Variants in CAMSAP1 observed in about 807,000 individuals in gnomAD.
The protein encoded by CAMSAP1 is calmodulin regulated spectrin associated protein 1, also known as calmodulin-regulated spectrin-associated protein 1.
CAMSAP1 carries 58 observed loss-of-function variants against 143.5 expected under a neutral mutation model. The observed-to-expected ratio is 0.40, with a 90% CI of 0.33 to 0.50. CAMSAP1 has a LOEUF of 0.50. Among genes scored for constraint, CAMSAP1 ranks in the 20% least tolerant of loss-of-function variants. The probability of loss-of-function intolerance (pLI) is 0.45; values close to 1 mark genes in which losing one functional copy is unlikely to be tolerated. For missense variants in CAMSAP1, 1,969 were observed against 2,115.7 expected (o/e 0.93, Z 1.36); for synonymous variants, 945 against 859.3 (o/e 1.10, Z -1.74).
At chr9:135,887,462 C>G (rs1001500363) in intron 1 of CAMSAP1, among the ~76,000 whole-genome samples, 3 of 151,920 alleles carry the variant, frequency 2.0e-5, no homozygotes, top group Admixed American at 2.0e-4. Flanking sequence ...GAAAGTGTGG[C>G]CAAAAAAGAT....
In CAMSAP1 at chr9:135,808,794, A is replaced by C. The variant is rs1487837426; in HGVS notation, c.*2515T>G. 1 of 152,262 alleles carries C rather than the reference A, an allele frequency of 6.6e-6. No homozygotes were observed. The highest frequency in any genetic ancestry group is 1.5e-5 in the Non-Finnish European group (1 of 68,042). The allele number at this position is 152,262 out of a possible 1,614,324, so 9.4% of individuals were successfully genotyped here. On this transcript the variant is annotated 3_prime_UTR_variant, in exon 17 of 17. Transcript: ENST00000389532. The stretch of plus-strand genomic sequence containing the variant: ...ATGCGTAAAATAATGGGACTCACGC[A>C]AGTTTCATTTCTCTTTCAACCCTTC...
At chr9:135,883,500 G>A (rs1838025356) in intron 1 of CAMSAP1, among the ~76,000 whole-genome samples, 3 of 152,318 alleles carry the variant, frequency 2.0e-5, no homozygotes, top group East Asian at 3.9e-4. Context: ...GGACACCAGC[G>A]GAGACAGCAT....
chr9:135,884,772 G>C (rs1221768234), intron 1 of CAMSAP1, among the ~76,000 whole-genome samples: 1 of 152,178 alleles, frequency 6.6e-6, no homozygotes, highest in South Asian at 2.1e-4. Context: ...AACTGCTCAA[G>C]GAAAGCTGAC....
chr9:135,903,262 G>GACTA (rs547279816), intron 1 of CAMSAP1, among the ~76,000 whole-genome samples: 183 of 152,360 alleles, frequency 1.2e-3, no homozygotes, highest in Middle Eastern at 0.01. Context: ...AAAATGTGAT[G>GACTA]ACTAGTCAGG....
intron 5 of CAMSAP1, among the ~76,000 whole-genome samples, chr9:135,861,427 T>C (rs113246309): frequency 0.018 from 2,771 of 151,994 alleles, 93 homozygotes; most frequent in African/African-American, 0.064. Flanking sequence ...ATTCTCCTGT[T>C]TCAGCCTCCC....
At chr9:135,828,553 A>C (rs1835754211) in intron 7 of CAMSAP1, among the ~76,000 whole-genome samples, 1 of 152,224 alleles carries the variant, frequency 6.6e-6, no homozygotes, top group Admixed American at 6.5e-5. Flanking sequence ...GGCCAAGGTG[A>C]GGCCCTAGAT....
intron 7 of CAMSAP1, among the ~76,000 whole-genome samples, chr9:135,847,359 A>C (rs1044652362): frequency 2.0e-5 from 3 of 152,102 alleles, no homozygotes; most frequent in South Asian, 4.2e-4. Context: ...TGTCTCGAAA[A>C]AAATAATAAA....
chr9:135,860,284 G>T (rs1276019083), intron 5 of CAMSAP1, among the ~76,000 whole-genome samples: 1 of 151,174 alleles, frequency 6.6e-6, no homozygotes, highest in Non-Finnish European at 1.5e-5. Context: ...CAGGGAGAAT[G>T]TAAGAGATGA....
chr9:135,846,761 G>A (rs1239410451), intron 7 of CAMSAP1, among the ~76,000 whole-genome samples: 15 of 150,636 alleles, frequency 1.0e-4, no homozygotes, highest in African/African-American at 2.0e-4. Flanking sequence ...ACATATATGC[G>A]GCCGACAAAC....
intron 5 of CAMSAP1, among the ~76,000 whole-genome samples, chr9:135,853,238 A>G (rs1160139610): frequency 6.6e-6 from 1 of 152,176 alleles, no homozygotes; most frequent in Non-Finnish European, 1.5e-5. Context: ...TTACTCTTCG[A>G]AAACATCAAG....
At chr9:135,855,902 A>T (rs1026230709) in intron 5 of CAMSAP1, among the ~76,000 whole-genome samples, 2 of 152,046 alleles carry the variant, frequency 1.3e-5, no homozygotes, top group African/African-American at 4.8e-5. Context: ...AATACAAAAA[A>T]TTAGCCGGGC....
In CAMSAP1 at chr9:135,815,984, C is replaced by T. The variant is rs1302069317; in HGVS notation, c.4293G>A (p.Leu1431=). The T allele has an allele frequency of 7.4e-6, 12 of 1,613,662 alleles. No individual in the cohort carries two copies. The highest frequency in any genetic ancestry group is 1.0e-5 in the Non-Finnish European group (12 of 1,179,880). ...TGCTTGGGTTACGGCTCAGTATGGG[C>T]AGGGCTTCCATCGATTCCACTCTGC... ...PSQRVESMEA[L]PILSRNPSRS... Residue 1431 remains leucine, a synonymous_variant, in exon 15 of 17, where the codon CTG becomes CTA. Transcript: ENST00000389532.
In CAMSAP1 at chr9:135,818,903, G is replaced by C; in HGVS notation, c.3959+107C>G. On this transcript the variant is annotated intron_variant, in intron 12 of 16. Transcript: ENST00000389532. This position sits in a 1 kb window ranked among gnomAD's most constrained non-coding sequence, Gnocchi z 7.7. ...CCATGGGAGGAGTAAGACCGTCACA[G>C]GCACTCATTGCCATGGTCCATGCTC... 6.7e-7 allele frequency: 1 copy of C among 1,485,358 alleles called. No individual in the cohort carries two copies. The highest frequency in any genetic ancestry group is 1.4e-5 in the African/African-American group (1 of 72,166). 92.0% of individuals were successfully genotyped at this position (1,485,358 alleles called of 1,614,324 possible). A position where few individuals can be genotyped will look rare whatever the true frequency, so the allele number is the denominator to read the frequency against.
intron 5 of CAMSAP1, among the ~76,000 whole-genome samples, chr9:135,851,155 C>A (rs1024983071): frequency 1.3e-5 from 2 of 152,204 alleles, no homozygotes; most frequent in African/African-American, 4.8e-5. Context: ...GGCCCTCAGA[C>A]AAAGAGCCCT....
At chr9:135,897,059 G>C (rs1302648107) in intron 1 of CAMSAP1, among the ~76,000 whole-genome samples, 3 of 152,106 alleles carry the variant, frequency 2.0e-5, no homozygotes, top group African/African-American at 7.2e-5. Context: ...CAAAAGTACA[G>C]CAGTCCCCTC....
At chr9:135,890,555 G>A (rs1054717581) in intron 1 of CAMSAP1, among the ~76,000 whole-genome samples, 3 of 152,066 alleles carry the variant, frequency 2.0e-5, no homozygotes, top group Admixed American at 6.5e-5. Context: ...GCCCAATGAC[G>A]CCTACCACAT....
At position 135,824,168 on chromosome 9, in the gene CAMSAP1, G is replaced by A; in HGVS notation, c.1316-134C>T. On this transcript the variant is annotated intron_variant, in intron 9 of 16. Transcript: ENST00000389532. This position sits in a 1 kb window ranked among gnomAD's most constrained non-coding sequence, Gnocchi z 4.1. ...GAAGGGCCGCATGGAAAGCAGAGAG[G>A]CAAAACCATACAGTTGTCCCACATT... is the stretch of plus-strand genomic sequence containing the variant. 1.4e-6 allele frequency: 1 copy of A among 722,298 alleles called. No homozygotes were observed. Among genetic ancestry groups the A allele is most frequent in the South Asian group, 1.6e-5 (1 of 61,518 alleles). The allele number at this position is 722,298 out of a possible 1,614,324, so 44.7% of individuals were successfully genotyped here. A position where few individuals can be genotyped will look rare whatever the true frequency, so the allele number is the denominator to read the frequency against.
chr9:135,861,228 G>A (rs1465434032), intron 5 of CAMSAP1, among the ~76,000 whole-genome samples: 2 of 152,058 alleles, frequency 1.3e-5, no homozygotes, highest in Admixed American at 6.5e-5. Context: ...GGGGCCCCAG[G>A]GCACCTACCT....
intron 5 of CAMSAP1, among the ~76,000 whole-genome samples, chr9:135,859,933 G>A (rs1269223963): frequency 1.3e-5 from 2 of 151,542 alleles, no homozygotes; most frequent in East Asian, 2.0e-4. Flanking sequence ...GGCCAGGTGC[G>A]GTGGCTCACG....
Sources: gnomAD v4.1 joint callset for allele counts (sites outside exome capture counted in the v4.1 genomes callset) on GRCh38, gnomAD v4.1.1 for gene constraint, Gnocchi (gnomAD v3.1) non-coding constraint, MANE v1.5 for transcripts, NCBI Gene and HGNC (gene_info 2026-07-23, HGNC 2026-07-21) for gene names.